The following SLC25A13 variants were observed in gnomAD, a reference collection of about 807,000 sequenced individuals.
The protein encoded by SLC25A13 is electrogenic aspartate/glutamate antiporter SLC25A13, mitochondrial.
SLC25A13 carries 70 observed loss-of-function variants against 85.5 expected under a neutral mutation model. That is an observed-to-expected ratio of 0.82 (90% CI 0.68 to 1.00). The LOEUF (loss-of-function observed/expected upper bound fraction) is 1.00. SLC25A13 is among the 50% of genes least tolerant of loss of function. The pLI, the probability that SLC25A13 is intolerant of heterozygous loss-of-function variation, is 0.00. For missense variants in SLC25A13, 765 were observed against 819.8 expected, an observed-to-expected ratio of 0.93 and a Z score of 0.82; for synonymous variants, 259 against 288.7, an observed-to-expected ratio of 0.90 and a Z score of 1.04.
rs184738853 is a variant in SLC25A13, at chr7:96,223,713, G to A, written c.328+11089C>T. Among the ~76,000 whole-genome samples the A allele has an allele frequency of 5.0e-3, 747 of 150,648 alleles. 6 individuals are homozygous for A. The highest frequency in any genetic ancestry group is 0.018 in the African/African-American group (720 of 41,016). ...TGAGGCAGGAGAATTGCTTGAACCC[G>A]GGAAGCAGAGCTTGCAGTGAGCCGA... On this transcript the variant is annotated intron_variant, in intron 4 of 17. Coordinates refer to ENST00000265631, the MANE Select transcript of SLC25A13 (RefSeq NM_014251.3).
At chr7:96,208,528 C>T (rs554816461) in intron 5 of SLC25A13, among the ~76,000 whole-genome samples, 3 of 142,570 alleles carry the variant, frequency 2.1e-5, no homozygotes, top group East Asian at 2.0e-4. Flanking sequence ...TTTTTTGAGA[C>T]GGAGTCTCGC....
intron 3 of SLC25A13, among the ~76,000 whole-genome samples, chr7:96,275,029 T>C (rs990376163): frequency 1.3e-5 from 2 of 152,236 alleles, no homozygotes; most frequent in Non-Finnish European, 2.9e-5. Context: ...AAAGTAGTTT[T>C]TTCCAATTCT....
chr7:96,301,751 C>T (rs1045399028), intron 1 of SLC25A13, among the ~76,000 whole-genome samples: 3 of 151,932 alleles, frequency 2.0e-5, no homozygotes, highest in Non-Finnish European at 4.4e-5. Context: ...ACCTCAGCCT[C>T]CTGAGTAGCT....
intron 4 of SLC25A13, among the ~76,000 whole-genome samples, chr7:96,211,161 A>C (rs946173664): frequency 7.2e-5 from 11 of 152,198 alleles, no homozygotes; most frequent in Admixed American, 7.2e-4. Context: ...CATAAACAAC[A>C]ATCTTATTTA....
intron 1 of SLC25A13, among the ~76,000 whole-genome samples, chr7:96,316,228 T>A (rs769435501): frequency 2.6e-5 from 4 of 152,194 alleles, no homozygotes; most frequent in Non-Finnish European, 4.4e-5. Context: ...TGAAAACCAA[T>A]AAATCATATG....
chr7:96,143,142 G>C (rs908119363), intron 14 of SLC25A13, among the ~76,000 whole-genome samples: 4 of 152,186 alleles, frequency 2.6e-5, no homozygotes, highest in African/African-American at 9.7e-5. Flanking sequence ...TACTCAAAAA[G>C]AGACATGGAC....
At position 96,203,285 on chromosome 7, in the gene SLC25A13, T is replaced by C. The variant is rs968975697; in HGVS notation, c.468+5553A>G. 5.9e-5 allele frequency among the ~76,000 whole-genome samples: 9 copies of C among 152,316 alleles called. 1 individual carries two copies. In the South Asian group the frequency reaches 1.9e-3, roughly 32 times the overall value. ...GATGCTTATTGGAAAGGCAGCTTCT[T>C]AGGCCCTATTCAGAACTACTAAATT... On this transcript the variant is annotated intron_variant, in intron 5 of 17. Transcript: ENST00000265631.
At chr7:96,244,308 G>A (rs1797101334) in intron 3 of SLC25A13, among the ~76,000 whole-genome samples, 1 of 152,222 alleles carries the variant, frequency 6.6e-6, no homozygotes, top group African/African-American at 2.4e-5. Context: ...GGCAGATGAA[G>A]AGGATGCTCC....
chr7:96,195,863 G>A (rs1312287561), intron 5 of SLC25A13, among the ~76,000 whole-genome samples: 1 of 152,096 alleles, frequency 6.6e-6, no homozygotes, highest in East Asian at 1.9e-4. Flanking sequence ...TGTCCCTTCC[G>A]GTGGCCCCCT....
At chr7:96,169,302 T>C (rs1793900154) in intron 13 of SLC25A13, among the ~76,000 whole-genome samples, 1 of 152,144 alleles carries the variant, frequency 6.6e-6, no homozygotes, top group African/African-American at 2.4e-5. Flanking sequence ...ATCTTTTTTA[T>C]AAGAAATAGG....
intron 3 of SLC25A13, among the ~76,000 whole-genome samples, chr7:96,276,316 C>T (rs1352058297): frequency 6.6e-6 from 1 of 152,070 alleles, no homozygotes; most frequent in African/African-American, 2.4e-5. Context: ...TTAAGGAAAA[C>T]CCATTTTTAA....
chr7:96,277,907 A>G (rs1055517699), intron 2 of SLC25A13, among the ~76,000 whole-genome samples: 2 of 152,162 alleles, frequency 1.3e-5, no homozygotes, highest in Non-Finnish European at 2.9e-5. Context: ...ATGGCAAACA[A>G]GCTAAGCTGG....
chr7:96,159,953 C>T (rs1793443853), intron 13 of SLC25A13, among the ~76,000 whole-genome samples: 2 of 152,086 alleles, frequency 1.3e-5, no homozygotes, highest in Admixed American at 1.3e-4. Context: ...AGAAGCCTGG[C>T]CAAGAAACCA....
At chr7:96,231,786 CAT>C in intron 4 of SLC25A13, among the ~76,000 whole-genome samples, 1 of 151,654 alleles carries the variant, frequency 6.6e-6, no homozygotes, top group Non-Finnish European at 1.5e-5. Context: ...CAAAAGAACA[CAT>C]ATACGCGGCC....
intron 1 of SLC25A13, among the ~76,000 whole-genome samples, chr7:96,303,155 C>T (rs1267741674): frequency 1.3e-5 from 2 of 152,120 alleles, no homozygotes; most frequent in African/African-American, 2.4e-5. Context: ...ACCTCAGCTG[C>T]TACGTCACCA....
chr7:96,181,096 T>C (rs942066798), intron 11 of SLC25A13, among the ~76,000 whole-genome samples: 3 of 152,080 alleles, frequency 2.0e-5, no homozygotes, highest in Non-Finnish European at 2.9e-5. Context: ...ACTAGGAAAA[T>C]TTGCCATTTT....
At chr7:96,258,677 C>T (rs1301126991) in intron 3 of SLC25A13, among the ~76,000 whole-genome samples, 2 of 152,200 alleles carry the variant, frequency 1.3e-5, no homozygotes, top group South Asian at 4.1e-4. Flanking sequence ...TCCCATCAAA[C>T]TACCATTGAC....
intron 10 of SLC25A13, 64 bp downstream of exon 10, chr7:96,184,863 G>GA (rs1794564278): frequency 7.6e-7 from 1 of 1,320,924 alleles, no homozygotes. Flanking sequence ...TTTCAAGATG[G>GA]AAAATCAGAG....
intron 3 of SLC25A13, among the ~76,000 whole-genome samples, chr7:96,240,617 G>A (rs1455434367): frequency 6.6e-6 from 1 of 151,856 alleles, no homozygotes; most frequent in Non-Finnish European, 1.5e-5. Flanking sequence ...GGCAGCTCAT[G>A]TCTATAATTC....
Sources: allele counts gnomAD v4.1 joint callset (sites outside exome capture counted in the v4.1 genomes callset), GRCh38; gene constraint gnomAD v4.1.1; transcripts MANE v1.5; gene names NCBI Gene and HGNC (gene_info 2026-07-23, HGNC 2026-07-21).